CAB39L: variants seen among roughly 807,000 people sequenced by gnomAD.
CAB39L encodes the protein calcium-binding protein 39-like.
In CAB39L, 23 loss-of-function variants were observed where a neutral mutation model predicts 39.1. The observed-to-expected ratio is 0.59, with a 90% CI of 0.42 to 0.83. The LOEUF (loss-of-function observed/expected upper bound fraction) is 0.83, where lower values mean the gene tolerates loss of function less well. Among genes scored for constraint, CAB39L ranks in the 40% least tolerant of loss-of-function variants. The pLI, the probability that CAB39L is intolerant of heterozygous loss-of-function variation, is 0.00. For missense variants in CAB39L, 366 were observed against 391.9 expected (o/e 0.93, Z 0.56); for synonymous variants, 126 against 137.2 (o/e 0.92, Z 0.57).
intron 8 of CAB39L, among the ~76,000 whole-genome samples, chr13:49,340,476 G>A (rs961108361): frequency 8.5e-5 from 13 of 152,200 alleles, no homozygotes; most frequent in East Asian, 3.8e-4. Flanking sequence ...AGTCAAGTGC[G>A]AGGGGAGAGT....
At chr13:49,370,381 T>C (rs1424255957) in intron 5 of CAB39L, among the ~76,000 whole-genome samples, 3 of 152,182 alleles carry the variant, frequency 2.0e-5, no homozygotes. Flanking sequence ...GCTGGCTTCT[T>C]CTGTTTCTTT....
intron 1 of CAB39L, among the ~76,000 whole-genome samples, chr13:49,436,218 A>T (rs923328579): frequency 3.3e-5 from 5 of 152,184 alleles, no homozygotes; most frequent in Non-Finnish European, 5.9e-5. Context: ...TGAAAGTCCA[A>T]CTGTTTTACT....
intron 5 of CAB39L, among the ~76,000 whole-genome samples, chr13:49,364,127 T>C (rs946213761): frequency 6.6e-6 from 1 of 152,178 alleles, no homozygotes; most frequent in Non-Finnish European, 1.5e-5. Flanking sequence ...GATTTAACAA[T>C]TGTAAATATA....
intron 1 of CAB39L, among the ~76,000 whole-genome samples, chr13:49,441,711 A>G (rs1957528419): frequency 6.6e-6 from 1 of 152,208 alleles, no homozygotes; most frequent in Non-Finnish European, 1.5e-5. Context: ...AGCAGCCAAT[A>G]TAGGTTTTCA....
intron 6 of CAB39L, among the ~76,000 whole-genome samples, chr13:49,358,540 G>A (rs959577551): frequency 4.6e-5 from 7 of 152,076 alleles, no homozygotes; most frequent in African/African-American, 1.7e-4. Context: ...GTTGTCTTTG[G>A]GTAATAGGAC....
Position 49,331,961 on chromosome 13 carries a change from A to C in CAB39L, c.820T>G (p.Phe274Val). 6.2e-7 allele frequency: 1 copy of C among 1,614,092 alleles called. No individual in the cohort carries two copies. The highest frequency in any genetic ancestry group is 8.5e-7 in the Non-Finnish European group (1 of 1,179,984). ...GTACTTTTTACCTTAAAAACATGAA[A>C]GGCTTCAAACTGGATGTTGGGACTT... ...DKSPNIQFEA[F>V]HVFKVFVASP... is the part of the protein sequence containing the mutation. The change falls in exon 10 of 11, where the codon TTT becomes GTT. Residue 274 changes from phenylalanine (F) to valine (V), a missense_variant. Phe to Val is a conservative substitution (Grantham distance 50). Coordinates refer to ENST00000409308, the MANE Select transcript of CAB39L (RefSeq NM_001079670.3).
At chr13:49,311,328 C>T (rs1184515723) in intron 10 of CAB39L, among the ~76,000 whole-genome samples, 2 of 152,256 alleles carry the variant, frequency 1.3e-5, no homozygotes, top group African/African-American at 4.8e-5. Flanking sequence ...ACCTACTGCC[C>T]GGCCAGCTGC....
intron 1 of CAB39L, among the ~76,000 whole-genome samples, chr13:49,438,049 C>T (rs1957444846): frequency 6.6e-6 from 1 of 151,860 alleles, no homozygotes. Context: ...CCCAGGATGG[C>T]TGGTCTCAAA....
At position 49,441,109 on chromosome 13, in the gene CAB39L, TATTTAG is replaced by T. The variant is rs1957509588; in HGVS notation, c.-246+2871_-246+2876del. Among the ~76,000 whole-genome samples, 3 of 151,576 alleles carry T rather than the reference TATTTAG, an allele frequency of 2.0e-5. 1 individual carries two copies. Among genetic ancestry groups the T allele is most frequent in the African/African-American group, 7.3e-5 (3 of 41,224 alleles). ...TAAATTCTCTTAGCTTACTCTGAAA[TATTTAG>T]ATTGTCATTTTCATCTGCTTTGTGG... On this transcript the variant is annotated intron_variant, in intron 1 of 10. Transcript: ENST00000409308.
In CAB39L at chr13:49,411,424, A is replaced by G. The variant is rs563835348; in HGVS notation, c.-32+21894T>C. ...GACTCTCCTGAGAAAAAAAAAAAAA[A>G]AAAGAAAATCCCCCACCTCCCTCTT... On this transcript the variant is annotated intron_variant, in intron 3 of 10. Transcript: ENST00000409308. Among the ~76,000 whole-genome samples, 30 of 151,502 alleles carry G rather than the reference A, an allele frequency of 2.0e-4. No individual in the cohort carries two copies. The South Asian group carries it at 4.8e-3, about 24-fold the overall frequency.
chr13:49,312,301 G>A (rs1363950504), intron 10 of CAB39L, among the ~76,000 whole-genome samples: 2 of 152,108 alleles, frequency 1.3e-5, no homozygotes. Context: ...AATGTCCTAG[G>A]CCTTCGCATT....
intron 6 of CAB39L, among the ~76,000 whole-genome samples, chr13:49,352,091 G>A (rs8000300): frequency 0.29 from 44,015 of 151,784 alleles, 7,185 homozygotes; most frequent in African/African-American, 0.43. Flanking sequence ...GCAGTAGGTG[G>A]CTAATACATA....
intron 3 of CAB39L, among the ~76,000 whole-genome samples, chr13:49,405,141 A>G (rs946176694): frequency 1.3e-5 from 2 of 152,270 alleles, no homozygotes; most frequent in African/African-American, 2.4e-5. Context: ...TACTCAAACA[A>G]TGAAAGGTCA....
At chr13:49,332,435 T>A (rs1178420177) in intron 9 of CAB39L, among the ~76,000 whole-genome samples, 1 of 152,140 alleles carries the variant, frequency 6.6e-6, no homozygotes, top group South Asian at 2.1e-4. Context: ...CAGGTAGAAG[T>A]AATAACAAAA....
intron 10 of CAB39L, among the ~76,000 whole-genome samples, chr13:49,323,333 A>G (rs896846627): frequency 6.6e-6 from 1 of 152,232 alleles, no homozygotes; most frequent in Non-Finnish European, 1.5e-5. Flanking sequence ...TCTTTGTGCC[A>G]TCACTTTCTC....
chr13:49,424,405 G>A (rs1302872090), intron 3 of CAB39L, among the ~76,000 whole-genome samples: 1 of 152,186 alleles, frequency 6.6e-6, no homozygotes, highest in Non-Finnish European at 1.5e-5. Context: ...TCTGAACACT[G>A]TGAAGGTCAT....
intron 6 of CAB39L, among the ~76,000 whole-genome samples, chr13:49,351,849 G>A (rs1393859178): frequency 6.6e-6 from 1 of 152,150 alleles, no homozygotes; most frequent in Non-Finnish European, 1.5e-5. Context: ...GAGAATTCAC[G>A]AATGATTCCT....
chr13:49,435,408 C>T (rs1284297787), intron 1 of CAB39L, among the ~76,000 whole-genome samples: 1 of 152,226 alleles, frequency 6.6e-6, no homozygotes, highest in Non-Finnish European at 1.5e-5. Flanking sequence ...TATTTCCCCA[C>T]AGTCTACAGG....
intron 3 of CAB39L, among the ~76,000 whole-genome samples, chr13:49,416,210 C>A (rs1294164634): frequency 1.3e-5 from 2 of 152,174 alleles, no homozygotes; most frequent in Non-Finnish European, 2.9e-5. Context: ...GAACATGTCA[C>A]TCTGTTACTG....
Sources: allele counts gnomAD v4.1 joint callset (sites outside exome capture counted in the v4.1 genomes callset), GRCh38; gene constraint gnomAD v4.1.1; transcripts MANE v1.5; gene names NCBI Gene and HGNC (gene_info 2026-07-23, HGNC 2026-07-21).